USP10: variants seen among roughly 807,000 people sequenced by gnomAD.
USP10 encodes the protein ubiquitin carboxyl-terminal hydrolase 10.
A neutral mutation model predicts 84.5 loss-of-function variants in USP10; 22 were observed. The ratio of observed to expected loss-of-function variants is 0.26; its 90% CI spans 0.19 to 0.37. The LOEUF (loss-of-function observed/expected upper bound fraction) is 0.37. USP10 is among the 10% of genes least tolerant of loss of function. The probability of loss-of-function intolerance (pLI) is 1.00; values close to 1 mark genes in which losing one functional copy is unlikely to be tolerated. For missense variants in USP10, 1,019 were observed against 998.9 expected, an observed-to-expected ratio of 1.02 and a Z score of -0.27; for synonymous variants, 454 against 387.6, an observed-to-expected ratio of 1.17 and a Z score of -2.01.
chr16:84,768,315 C>T lies in USP10; in HGVS notation c.1955C>T (p.Ala652Val). ...CAGGATGCACTGGAGAGCTTGGTGGCAAGAGAATCTGTCCAAGGTTATACC... is the reference window on the plus strand; with the variant it reads ...CAGGATGCACTGGAGAGCTTGGTGGTAAGAGAATCTGTCCAAGGTTATACC... ...TVQDALESLV[A>V]RESVQGYTTK... The change falls in exon 11 of 14, where the codon GCA (alanine) becomes GTA (valine). Residue 652 changes from alanine (A) to valine (V), a missense_variant. Coordinates refer to ENST00000219473, the MANE Select transcript of USP10 (RefSeq NM_005153.3). 6.2e-7 allele frequency: 1 copy of T among 1,609,954 alleles called. No individual in the cohort carries two copies. Among genetic ancestry groups the T allele is most frequent in the South Asian group, 1.1e-5 (1 of 90,098 alleles).
At chr16:84,770,185 C>T (rs938307755) in intron 11 of USP10, among the ~76,000 whole-genome samples, 4 of 152,212 alleles carry the variant, frequency 2.6e-5, no homozygotes, top group South Asian at 2.1e-4. Flanking sequence ...TGCTGCCAGC[C>T]GTTCTGGGTG....
At chr16:84,774,250 T>C (rs887111693) in intron 12 of USP10, among the ~76,000 whole-genome samples, 2 of 151,538 alleles carry the variant, frequency 1.3e-5, no homozygotes, top group Admixed American at 1.3e-4. Flanking sequence ...CTCAAAAAAA[T>C]AAATAAATAA....
chr16:84,734,058 G>A (rs1225771185), intron 2 of USP10, among the ~76,000 whole-genome samples: 1 of 152,270 alleles, frequency 6.6e-6, no homozygotes, highest in South Asian at 2.1e-4. Context: ...CTCTAGTTCA[G>A]CCGTTAAAAA....
intron 4 of USP10, among the ~76,000 whole-genome samples, chr16:84,748,399 G>A (rs970695618): frequency 1.1e-4 from 17 of 151,964 alleles, no homozygotes; most frequent in Admixed American, 1.0e-3. Context: ...CTCCTCCTGG[G>A]TTCAGGCAAT....
chr16:84,715,874 C>T lies in USP10; in HGVS notation c.21+15763C>T, dbSNP rs535089220. ...AGTATTATCCCAGGGCTAGTTTCCC[C>T]CACGATGGCGGAATGGCCACAGCAG... On this transcript the variant is annotated intron_variant, in intron 1 of 13. Transcript: ENST00000219473. Among the ~76,000 whole-genome samples, 208 of 152,290 alleles carry T rather than the reference C, an allele frequency of 1.4e-3. 4 individuals are homozygous for T. The highest frequency in any genetic ancestry group is 1.8e-3 in the Non-Finnish European group (123 of 68,028).
At chr16:84,707,256 AGAAT>A (rs948344706) in intron 1 of USP10, among the ~76,000 whole-genome samples, 1 of 152,238 alleles carries the variant, frequency 6.6e-6, no homozygotes, top group Non-Finnish European at 1.5e-5. Context: ...AAACATTTAC[AGAAT>A]GAATGAATGA....
At chr16:84,755,662 G>T (rs961578969) in intron 4 of USP10, among the ~76,000 whole-genome samples, 1 of 151,872 alleles carries the variant, frequency 6.6e-6, no homozygotes, top group Non-Finnish European at 1.5e-5. Context: ...ATTGGGTATG[G>T]TGGCACACAT....
intron 1 of USP10, among the ~76,000 whole-genome samples, chr16:84,720,299 G>A (rs78035613): frequency 0.011 from 1,635 of 152,210 alleles, 28 homozygotes; most frequent in African/African-American, 0.036. Context: ...CGGTTCCAGC[G>A]TATTTTATTA....
chr16:84,708,101 T>G lies in USP10; in HGVS notation c.21+7990T>G, dbSNP rs546022448. Reference sequence around the variant, plus strand: ...GTCAAAAAAGAAAAGATAAGAAATATTTTGAAGACTTCCACCCCCTTAGTA... The same window carrying G: ...GTCAAAAAAGAAAAGATAAGAAATAGTTTGAAGACTTCCACCCCCTTAGTA... On this transcript the variant is annotated intron_variant, in intron 1 of 13. Coordinates refer to ENST00000219473, the MANE Select transcript of USP10 (RefSeq NM_005153.3). Among the ~76,000 whole-genome samples the G allele has an allele frequency of 1.3e-4, 19 of 151,932 alleles. No homozygotes were observed. In the East Asian group the frequency reaches 3.7e-3, roughly 29 times the overall value.
intron 2 of USP10, among the ~76,000 whole-genome samples, chr16:84,734,576 C>G (rs1247552888): frequency 6.6e-6 from 1 of 152,102 alleles, no homozygotes; most frequent in African/African-American, 2.4e-5. Context: ...TAGGTGAACC[C>G]TTTTTGGGGT....
At chr16:84,765,203 A>G (rs1913718194) in intron 10 of USP10, among the ~76,000 whole-genome samples, 1 of 151,630 alleles carries the variant, frequency 6.6e-6, no homozygotes, top group African/African-American at 2.4e-5. Context: ...TAGAGATAGT[A>G]AAATAGTTGC....
At chr16:84,736,188 A>G (rs1432481464) in intron 2 of USP10, among the ~76,000 whole-genome samples, 2 of 152,254 alleles carry the variant, frequency 1.3e-5, no homozygotes, top group Non-Finnish European at 2.9e-5. Flanking sequence ...TGTTTCTACC[A>G]TGTGGCTGTG....
At chr16:84,727,755 C>G (rs1908693457) in intron 1 of USP10, among the ~76,000 whole-genome samples, 1 of 152,324 alleles carries the variant, frequency 6.6e-6, no homozygotes, top group African/African-American at 2.4e-5. Flanking sequence ...GGGAAGATTA[C>G]ATACACTGTA....
chr16:84,721,987 C>T (rs529024845), intron 1 of USP10, among the ~76,000 whole-genome samples: 3 of 152,312 alleles, frequency 2.0e-5, no homozygotes, highest in African/African-American at 7.2e-5. Context: ...GGAGCCATCA[C>T]GCCCAGCCCA....
At chr16:84,732,441 C>CTTT in intron 1 of USP10, 1 of 397,198 alleles carries the variant, frequency 2.5e-6, no homozygotes, top group Non-Finnish European at 4.9e-6. Flanking sequence ...ACTTCTTCTT[C>CTTT]TTCTTTTTTT....
intron 1 of USP10, among the ~76,000 whole-genome samples, chr16:84,724,758 G>A (rs748305706): frequency 6.6e-6 from 1 of 152,114 alleles, no homozygotes; most frequent in Non-Finnish European, 1.5e-5. Context: ...TTTTACTCTC[G>A]TAGTCTCGCA....
chr16:84,755,254 G>A (rs565772293), intron 4 of USP10, among the ~76,000 whole-genome samples: 20 of 151,366 alleles, frequency 1.3e-4, no homozygotes, highest in Admixed American at 3.3e-4. Context: ...TGGCATCTTC[G>A]CCCTAACTCT....
In USP10 at chr16:84,745,090, A is replaced by C. The variant is rs770227735; in HGVS notation, c.609A>C (p.Ser203=). 5 of 1,613,608 alleles carry C rather than the reference A, an allele frequency of 3.1e-6. No individual in the cohort carries two copies. In the Admixed American group the frequency reaches 8.3e-5, roughly 27 times the overall value. ...DAEFMGDMPP[S]VTPRTCNSPQ... is the part of the protein sequence containing the mutation. Reference sequence around the variant, plus strand: ...AATTTATGGGTGACATGCCCCCGTCAGTTACGCCCAGGACTTGTAACAGCC... The same window carrying C: ...AATTTATGGGTGACATGCCCCCGTCCGTTACGCCCAGGACTTGTAACAGCC... The change falls in exon 4 of 14, where the codon TCA becomes TCC. Residue 203 remains serine (S), a synonymous_variant. Transcript: ENST00000219473.
At chr16:84,720,986 C>T (rs1020516013) in intron 1 of USP10, among the ~76,000 whole-genome samples, 6 of 149,566 alleles carry the variant, frequency 4.0e-5, no homozygotes, top group Admixed American at 6.7e-5. Context: ...CTCCGCCTGC[C>T]GTATTCAAGC....
Sources: allele counts gnomAD v4.1 joint callset (sites outside exome capture counted in the v4.1 genomes callset), GRCh38; gene constraint gnomAD v4.1.1; transcripts MANE v1.5; gene names NCBI Gene and HGNC (gene_info 2026-07-23, HGNC 2026-07-21).